MLLT11: variants seen among roughly 807,000 people sequenced by gnomAD.
MLLT11 encodes protein AF1q.
A neutral mutation model predicts 5.3 loss-of-function variants in MLLT11; 1 was observed. That is an observed-to-expected ratio of 0.19 (90% CI 0.07 to 0.89). MLLT11 has a LOEUF of 0.89. Ranked by LOEUF, MLLT11 falls within the 40% of genes least tolerant of loss-of-function variation. The pLI is 0.67. For missense variants in MLLT11, 87 were observed against 107.3 expected, an observed-to-expected ratio of 0.81 and a Z score of 0.83; for synonymous variants, 38 against 41.7, an observed-to-expected ratio of 0.91 and a Z score of 0.34.
rs997232187 is a variant in MLLT11, at chr1:151,066,935, A to G, written c.-6-284A>G. 5.4e-5 allele frequency among the ~76,000 whole-genome samples: 8 copies of G among 149,088 alleles called. No individual in the cohort carries two copies. In the East Asian group the frequency reaches 5.9e-4, roughly 11 times the overall value. ...GCAAGACTCCGTCTCATTGAGAGAAAAAAAAAAAAAAAGTAGAAATTCATA... is the reference window on the plus strand; with the variant it reads ...GCAAGACTCCGTCTCATTGAGAGAAGAAAAAAAAAAAAGTAGAAATTCATA... On this transcript the variant is annotated intron_variant, in intron 1 of 1. Transcript: ENST00000368921.
intron 1 of MLLT11, among the ~76,000 whole-genome samples, chr1:151,063,607 A>G (rs1445652647): frequency 2.0e-5 from 3 of 151,972 alleles, no homozygotes; most frequent in Non-Finnish European, 4.4e-5. Context: ...TTGTACTTTT[A>G]GTAGAGACGG....
At chr1:151,067,170 C>T in intron 1 of MLLT11, 49 bp from the exon 2 acceptor site, 2 of 1,551,712 alleles carry the variant, frequency 1.3e-6, no homozygotes, top group Non-Finnish European at 1.8e-6. Context: ...GGCCATGGGC[C>T]ACAAAGAAGT....
In MLLT11 at chr1:151,068,628, G is replaced by C. The variant is rs1676508811; in HGVS notation, c.*1131G>C. On this transcript the variant is annotated 3_prime_UTR_variant, in exon 2 of 2. Coordinates refer to ENST00000368921, the MANE Select transcript of MLLT11 (RefSeq NM_006818.4). ...AGACAGGGTCCCACTCTGTCACCCA[G>C]GCTGGAGTGCAGTGGCGGGGATCAC... 1 of 167,894 alleles carries C rather than the reference G, an allele frequency of 6.0e-6. No homozygotes were observed. Among genetic ancestry groups the C allele is most frequent in the African/African-American group, 2.4e-5 (1 of 41,810 alleles). 10.4% of individuals were successfully genotyped at this position (167,894 alleles called of 1,614,324 possible). A position where few individuals can be genotyped will look rare whatever the true frequency, so the allele number is the denominator to read the frequency against.
intron 1 of MLLT11, among the ~76,000 whole-genome samples, chr1:151,063,927 A>G (rs1676441393): frequency 6.6e-6 from 1 of 152,218 alleles, no homozygotes; most frequent in Admixed American, 6.5e-5. Context: ...TGGATTTCCA[A>G]TCCATTTGCT....
intron 1 of MLLT11, among the ~76,000 whole-genome samples, chr1:151,062,987 C>G (rs1325443697): frequency 6.6e-6 from 1 of 152,142 alleles, no homozygotes; most frequent in Non-Finnish European, 1.5e-5. Flanking sequence ...CTCACCTTTC[C>G]AACATGCTCC....
rs1242477677 is a variant in MLLT11 at position 151,068,986 on chromosome 1, G to C, written c.*1489G>C. Among the ~76,000 whole-genome samples, 2 of 152,122 alleles carry C rather than the reference G, an allele frequency of 1.3e-5. No individual in the cohort carries two copies. The highest frequency in any genetic ancestry group is 4.8e-5 in the African/African-American group (2 of 41,414). On this transcript the variant is annotated 3_prime_UTR_variant, in exon 2 of 2. Transcript: ENST00000368921. ...CTTCGCATTGAACAGATAATGAAAGGGCAAAATCAACTTAAAATTAGAAAA... is the reference window on the plus strand; with the variant it reads ...CTTCGCATTGAACAGATAATGAAAGCGCAAAATCAACTTAAAATTAGAAAA...
In MLLT11 at chr1:151,069,219, C is replaced by T. The variant is rs765975250; in HGVS notation, c.*1722C>T. The stretch of plus-strand genomic sequence containing the variant: ...ACGGGAATGAGACAAGACTCCAACT[C>T]TCAAAAGAGAAACTGTAAATACCAA... On this transcript the variant is annotated 3_prime_UTR_variant, in exon 2 of 2. Transcript: ENST00000368921. 1.5e-4 allele frequency among the ~76,000 whole-genome samples: 23 copies of T among 152,120 alleles called. No homozygotes were observed. The highest frequency in any genetic ancestry group is 3.1e-4 in the Non-Finnish European group (21 of 68,024).
At position 151,069,275 on chromosome 1, in the gene MLLT11, ATAAATAAGGATGACACTATACCC is replaced by A. The variant is rs762885954; in HGVS notation, c.*1792_*1814del. Among the ~76,000 whole-genome samples, 4 of 152,138 alleles carry A rather than the reference ATAAATAAGGATGACACTATACCC, an allele frequency of 2.6e-5. No homozygotes were observed. The highest frequency in any genetic ancestry group is 4.4e-5 in the Non-Finnish European group (3 of 68,004). On this transcript the variant is annotated 3_prime_UTR_variant, in exon 2 of 2. Transcript: ENST00000368921. ...ATAGGACAGAATTGGGCAGTGTACT[ATAAATAAGGATGACACTATACCC>A]TAAATAAGGATGATCTAGAGAAGTC...
chr1:151,064,222 T>C (rs1311216782), intron 1 of MLLT11, among the ~76,000 whole-genome samples: 1 of 152,102 alleles, frequency 6.6e-6, no homozygotes, highest in East Asian at 1.9e-4. Flanking sequence ...GATTTCACCA[T>C]GTTGGTTGGG....
rs745784490 is a variant in MLLT11, at chr1:151,067,473, C to A, written c.249C>A (p.His83Gln). ...GGAGAGCTCCCATTGCCAGCATCCA[C>A]TCCTTCGAACTGGACTTGCTCTAAG... ...NFWRAPIASIHSFELDLL is the reference protein window; with the variant it reads ...NFWRAPIASIQSFELDLL Residue 83 changes from histidine (H) to glutamine (Q), a missense_variant, in exon 2 of 2, where the codon CAC becomes CAA. Coordinates refer to ENST00000368921, the MANE Select transcript of MLLT11 (RefSeq NM_006818.4). The A allele has an allele frequency of 1.2e-6, 2 of 1,613,822 alleles. No homozygotes were observed. The highest frequency in any genetic ancestry group is 1.7e-6 in the Non-Finnish European group (2 of 1,180,008).
intron 1 of MLLT11, among the ~76,000 whole-genome samples, chr1:151,066,361 A>C (rs1571857646): frequency 6.6e-6 from 1 of 151,130 alleles, no homozygotes; most frequent in Non-Finnish European, 1.5e-5. Flanking sequence ...CTGGTCTCAA[A>C]CTCCTGGCCT....
At chr1:151,062,466 G>T (rs773690134) in intron 1 of MLLT11, among the ~76,000 whole-genome samples, 1 of 151,300 alleles carries the variant, frequency 6.6e-6, no homozygotes, top group Non-Finnish European at 1.5e-5. Context: ...CAGTTCAAGC[G>T]ATTCTCCTGC....
chr1:151,067,023 G>C, intron 1 of MLLT11, 196 bp from the exon 2 acceptor site: 2 of 477,288 alleles, frequency 4.2e-6, no homozygotes, highest in South Asian at 7.7e-5. Flanking sequence ...ATTGGGGATG[G>C]TGAGTTTCTT....
In MLLT11 at chr1:151,068,151, A is replaced by G. The variant is rs747307752; in HGVS notation, c.*654A>G. ...AGTAGCTAATTTCTTTTCTCAAAAG[A>G]GTGTCCCTTCTTCACACCTACTCAC... On this transcript the variant is annotated 3_prime_UTR_variant, in exon 2 of 2. Transcript: ENST00000368921. 143 of 240,348 alleles carry G rather than the reference A, an allele frequency of 5.9e-4. No homozygotes were observed. The highest frequency in any genetic ancestry group is 1.0e-3 in the Non-Finnish European group (117 of 113,426). 14.9% of individuals were successfully genotyped at this position (240,348 alleles called of 1,614,324 possible).
chr1:151,064,596 G>A (rs74125079), intron 1 of MLLT11, among the ~76,000 whole-genome samples: 3,710 of 152,286 alleles, frequency 0.024, 104 homozygotes, highest in African/African-American at 0.073. Flanking sequence ...GAACTGGTGA[G>A]GGAATGCTAA....
chr1:151,061,957 C>T (rs1676413069), intron 1 of MLLT11, among the ~76,000 whole-genome samples: 1 of 152,018 alleles, frequency 6.6e-6, no homozygotes. Flanking sequence ...TTTTAAATTG[C>T]AAGATAGCTC....
chr1:151,067,148 T>C lies in MLLT11; in HGVS notation c.-6-71T>C. The stretch of plus-strand genomic sequence containing the variant: ...CCTTTTTACCAGTATGTGGAGTATC[T>C]AAGCAAGGAAAGGCCATGGGCCACA... On this transcript the variant is annotated intron_variant, in intron 1 of 1. Coordinates refer to ENST00000368921, the MANE Select transcript of MLLT11 (RefSeq NM_006818.4). The C allele has an allele frequency of 5.2e-6, 7 of 1,345,812 alleles. 1 individual carries two copies. The South Asian group carries it at 9.0e-5, about 17-fold the overall frequency. The allele number at this position is 1,345,812 out of a possible 1,614,324, so 83.4% of individuals were successfully genotyped here. A position where few individuals can be genotyped will look rare whatever the true frequency, so the allele number is the denominator to read the frequency against.
chr1:151,065,136 AC>A (rs1676458882), intron 1 of MLLT11, among the ~76,000 whole-genome samples: 1 of 152,212 alleles, frequency 6.6e-6, no homozygotes, highest in Non-Finnish European at 1.5e-5. Flanking sequence ...ATTACTATTT[AC>A]ATTAGTGAAT....
At chr1:151,067,040 C>G in intron 1 of MLLT11, 179 bp from the exon 2 acceptor site, 1 of 485,226 alleles carries the variant, frequency 2.1e-6, no homozygotes, top group South Asian at 4.2e-5. Flanking sequence ...TCTTTTTTTT[C>G]CTCCCCAAAT....
Sources: allele counts gnomAD v4.1 joint callset (sites outside exome capture counted in the v4.1 genomes callset), GRCh38; gene constraint gnomAD v4.1.1; transcripts MANE v1.5; gene names NCBI Gene and HGNC (gene_info 2026-07-23, HGNC 2026-07-21).